CFAP418: variants seen among roughly 807,000 people sequenced by gnomAD.
The protein encoded by CFAP418 is cilia- and flagella-associated protein 418.
Under a neutral mutation model 24.7 loss-of-function variants are expected in CFAP418, and 27 were observed. The observed-to-expected ratio is 1.09, with a 90% confidence interval of 0.81 to 1.51. CFAP418 has a LOEUF of 1.51. Ranked by LOEUF, CFAP418 falls within the 40% of genes most tolerant of loss-of-function variation. CFAP418 has a pLI of 0.00. For missense variants in CFAP418, 257 were observed against 255.2 expected, an observed-to-expected ratio of 1.01 and a Z score of -0.05; for synonymous variants, 74 against 87.3, an observed-to-expected ratio of 0.85 and a Z score of 0.85.
At chr8:95,252,117 G>C (rs1438053132) in intron 5 of CFAP418, 71 bp downstream of exon 5, 6 of 1,174,870 alleles carry the variant, frequency 5.1e-6, no homozygotes, top group Non-Finnish European at 2.5e-6. Flanking sequence ...TCCACCCAGA[G>C]AGAATATATC....
chr8:95,260,378 T>C, intron 3 of CFAP418, 90 bp downstream of exon 3: 3 of 932,944 alleles, frequency 3.2e-6, no homozygotes, highest in Non-Finnish European at 4.9e-6. Flanking sequence ...TCAATGTCAC[T>C]GCTGTTTAAA....
At chr8:95,263,596 A>C in intron 2 of CFAP418, 91 bp downstream of exon 2, 1 of 715,280 alleles carries the variant, frequency 1.4e-6, no homozygotes, top group Non-Finnish European at 2.4e-6. Context: ...TCAAAAGATA[A>C]TGGGTAGCTA....
intron 2 of CFAP418, among the ~76,000 whole-genome samples, chr8:95,262,819 C>T (rs531955468): frequency 6.6e-6 from 1 of 152,062 alleles, no homozygotes; most frequent in South Asian, 2.1e-4. Context: ...ACTGGTTTTC[C>T]CTGTGTACAT....
intron 5 of CFAP418, 72 bp from the exon 6 acceptor site, chr8:95,247,842 G>A: frequency 9.6e-7 from 1 of 1,044,750 alleles, no homozygotes; most frequent in Non-Finnish European, 1.4e-6. Flanking sequence ...AAAAAAAAAA[G>A]GTCATTGCTT....
At chr8:95,250,906 AT>A (rs1811695800) in intron 5 of CFAP418, among the ~76,000 whole-genome samples, 1 of 152,162 alleles carries the variant, frequency 6.6e-6, no homozygotes, top group South Asian at 2.1e-4. Context: ...ATACTCATAG[AT>A]TTACCCAAGA....
At chr8:95,249,393 T>TG (rs1476044165) in intron 5 of CFAP418, among the ~76,000 whole-genome samples, 1 of 152,228 alleles carries the variant, frequency 6.6e-6, no homozygotes, top group Non-Finnish European at 1.5e-5. Context: ...CTGGGTGTGG[T>TG]GGGTCATGCC....
intron 4 of CFAP418, among the ~76,000 whole-genome samples, chr8:95,259,098 T>C (rs1811844368): frequency 6.6e-6 from 1 of 152,240 alleles, no homozygotes; most frequent in African/African-American, 2.4e-5. Flanking sequence ...GGCCATTCTT[T>C]CTTAAAAAAT....
intron 5 of CFAP418, among the ~76,000 whole-genome samples, chr8:95,250,435 T>A (rs1811688980): frequency 6.6e-6 from 1 of 152,226 alleles, no homozygotes; most frequent in South Asian, 2.1e-4. Flanking sequence ...TGCAAGTTCC[T>A]CAAGTACCGA....
intron 5 of CFAP418, among the ~76,000 whole-genome samples, chr8:95,251,545 G>A (rs985181930): frequency 6.6e-6 from 1 of 152,188 alleles, no homozygotes. Context: ...GTAAGTGGAA[G>A]GGTGTTGAGC....
In CFAP418 at chr8:95,269,168, G is replaced by T. The variant is rs1348129108; in HGVS notation, c.22C>A (p.Leu8Ile). 6.2e-7 allele frequency: 1 copy of T among 1,614,190 alleles called. No individual in the cohort carries two copies. The highest frequency in any genetic ancestry group is 1.7e-5 in the Admixed American group (1 of 60,030). The part of the protein sequence containing the change: MAEDLDE[L>I]LDEVESKFCT... ...AACTTGGACTCGACTTCATCCAAGA[G>T]CTCGTCCAGGTCCTCCGCCATCTTG... is the stretch of plus-strand genomic sequence containing the variant. The change falls in exon 1 of 6, where the codon CTC becomes ATC. Residue 8 changes from leucine to isoleucine, a missense_variant. By Grantham distance (5) the Leu-to-Ile change is conservative. Coordinates refer to ENST00000286688, the MANE Select transcript of CFAP418 (RefSeq NM_177965.4).
rs149929904 is a variant in CFAP418, at chr8:95,259,301, G to T, written c.374+539C>A. ...GACTATGGGGCTAATATGGGTTTGGGGTAGGTGGCATCATGACTATAAGAC... is the reference window on the plus strand; with the variant it reads ...GACTATGGGGCTAATATGGGTTTGGTGTAGGTGGCATCATGACTATAAGAC... On this transcript the variant is annotated intron_variant, in intron 4 of 5. Coordinates refer to ENST00000286688, the MANE Select transcript of CFAP418 (RefSeq NM_177965.4). 3.3e-3 allele frequency among the ~76,000 whole-genome samples: 508 copies of T among 152,272 alleles called. 6 individuals are homozygous for T. Among genetic ancestry groups the T allele is most frequent in the African/African-American group, 0.012 (484 of 41,552 alleles).
At chr8:95,252,910 G>A (rs2132155735) in intron 4 of CFAP418, among the ~76,000 whole-genome samples, 1 of 152,254 alleles carries the variant, frequency 6.6e-6, no homozygotes, top group East Asian at 1.9e-4. Context: ...AACCTGGAGG[G>A]ATATCTGAAG....
intron 1 of CFAP418, among the ~76,000 whole-genome samples, chr8:95,264,059 T>C (rs1237533643): frequency 2.6e-5 from 4 of 152,210 alleles, no homozygotes; most frequent in Non-Finnish European, 4.4e-5. Flanking sequence ...GGTATGTACT[T>C]ATCTGAATTA....
At chr8:95,248,620 T>C (rs1011113652) in intron 5 of CFAP418, among the ~76,000 whole-genome samples, 1 of 152,186 alleles carries the variant, frequency 6.6e-6, no homozygotes, top group Non-Finnish European at 1.5e-5. Flanking sequence ...GTAAAAATGA[T>C]AAACACTGGA....
rs144682935 is a variant in CFAP418, at chr8:95,249,545, C to G, written c.471-1775G>C. Among the ~76,000 whole-genome samples, 17 of 152,080 alleles carry G rather than the reference C, an allele frequency of 1.1e-4. No homozygotes were observed. In the East Asian group the frequency reaches 2.3e-3, roughly 21 times the overall value. On this transcript the variant is annotated intron_variant, in intron 5 of 5. Coordinates refer to ENST00000286688, the MANE Select transcript of CFAP418 (RefSeq NM_177965.4). The stretch of plus-strand genomic sequence containing the variant: ...GTGCGCACCTGTATTCCTAGCTGCT[C>G]GAGAGGCTGAGGCCGAAGGATCCTT...
chr8:95,250,683 G>T (rs1367624886), intron 5 of CFAP418, among the ~76,000 whole-genome samples: 2 of 152,214 alleles, frequency 1.3e-5, no homozygotes, highest in Non-Finnish European at 2.9e-5. Flanking sequence ...GGGGTAAAAA[G>T]TGGGCTAAGC....
intron 4 of CFAP418, among the ~76,000 whole-genome samples, chr8:95,257,143 T>A (rs138992694): frequency 2.5e-4 from 38 of 152,288 alleles, no homozygotes; most frequent in Middle Eastern, 3.4e-3. Flanking sequence ...CTGTGGCTCA[T>A]GGGTGACTTG....
intron 4 of CFAP418, among the ~76,000 whole-genome samples, chr8:95,258,966 G>A (rs1811842734): frequency 6.6e-6 from 1 of 152,106 alleles, no homozygotes. Context: ...GTTTGTACAT[G>A]AGGAAGTCAT....
intron 3 of CFAP418, among the ~76,000 whole-genome samples, 164 bp from the exon 4 acceptor site, chr8:95,260,069 T>C (rs540174880): frequency 2.6e-5 from 4 of 152,350 alleles, no homozygotes; most frequent in African/African-American, 9.6e-5. Flanking sequence ...GAGATATTTA[T>C]TGTAGGATCA....
Sources: allele counts gnomAD v4.1 joint callset (sites outside exome capture counted in the v4.1 genomes callset), GRCh38; gene constraint gnomAD v4.1.1; transcripts MANE v1.5; gene names NCBI Gene and HGNC (gene_info 2026-07-23, HGNC 2026-07-21).